Variants in GRIK2 observed in about 807,000 individuals in gnomAD.
The protein encoded by GRIK2 is glutamate receptor ionotropic, kainate 2.
A neutral mutation model predicts 100.3 loss-of-function variants in GRIK2; 32 were observed. The observed-to-expected ratio is 0.32, with a 90% CI of 0.24 to 0.43. The LOEUF (loss-of-function observed/expected upper bound fraction) is 0.43, where lower values mean the gene tolerates loss of function less well. Ranked by LOEUF, GRIK2 falls within the 20% of genes least tolerant of loss-of-function variation. GRIK2 has a pLI of 1.00. For synonymous variants in GRIK2, 417 were observed against 389.4 expected, an observed-to-expected ratio of 1.07 and a Z score of -0.83; for missense variants, 843 against 1,114.9, an observed-to-expected ratio of 0.76 and a Z score of 3.47.
chr6:101,405,194 G>A (rs1256603457), intron 2 of GRIK2, among the ~76,000 whole-genome samples: 1 of 151,988 alleles, frequency 6.6e-6, no homozygotes, highest in African/African-American at 2.4e-5. Context: ...TTGAAGATTG[G>A]GGAATTAAAA....
chr6:101,835,464 CTTTTTTTTTTTT>C (rs764148146), intron 10 of GRIK2, among the ~76,000 whole-genome samples: 8 of 89,024 alleles, frequency 9.0e-5, no homozygotes, highest in Non-Finnish European at 1.4e-4. Context: ...CTATGAGTTC[CTTTTTTTTTTTT>C]TTTTTTTTTT....
intron 2 of GRIK2, among the ~76,000 whole-genome samples, chr6:101,488,636 C>T (rs973485402): frequency 2.0e-5 from 3 of 146,540 alleles, no homozygotes; most frequent in African/African-American, 7.8e-5. Flanking sequence ...TGACTTAGGC[C>T]ACTTTTCCTC....
At chr6:101,713,426 C>T (rs1773852655) in intron 7 of GRIK2, among the ~76,000 whole-genome samples, 1 of 151,562 alleles carries the variant, frequency 6.6e-6, no homozygotes, top group Non-Finnish European at 1.5e-5. Flanking sequence ...TGTTTATGAC[C>T]TAATGTCATT....
intron 2 of GRIK2, among the ~76,000 whole-genome samples, chr6:101,580,857 T>C (rs180992204): frequency 5.8e-4 from 88 of 152,176 alleles, no homozygotes; most frequent in African/African-American, 1.6e-3. Context: ...ATTCCCCTCA[T>C]CTATGCCTAT....
chr6:101,504,038 T>C (rs570643071), intron 2 of GRIK2, among the ~76,000 whole-genome samples: 1 of 152,276 alleles, frequency 6.6e-6, no homozygotes, highest in East Asian at 1.9e-4. Flanking sequence ...TTCTAAATAC[T>C]ACATTTATTT....
rs1582521674 is a variant in GRIK2, at chr6:101,470,587, T to G, written c.115+71195T>G. Among the ~76,000 whole-genome samples the G allele has an allele frequency of 3.3e-5, 5 of 152,226 alleles. No individual in the cohort carries two copies. The South Asian group carries it at 1.0e-3, about 32-fold the overall frequency. On this transcript the variant is annotated intron_variant, in intron 2 of 16. Transcript: ENST00000369134. ...CTAGGCTGATTCTGAAAACTCTCTC[T>G]CTTCCTTCCTAGCTCTCTCCTTTTA...
chr6:101,470,622 G>A (rs1771895332), intron 2 of GRIK2, among the ~76,000 whole-genome samples: 1 of 152,054 alleles, frequency 6.6e-6, no homozygotes, highest in African/African-American at 2.4e-5. Context: ...ATATCCTGGG[G>A]ATGGGGGAAG....
At chr6:101,783,921 A>G (rs1779260739) in intron 7 of GRIK2, among the ~76,000 whole-genome samples, 1 of 152,234 alleles carries the variant, frequency 6.6e-6, no homozygotes, top group African/African-American at 2.4e-5. Context: ...GAAAGCATTC[A>G]GTTATATACA....
At chr6:101,624,719 T>G (rs1780349021) in intron 3 of GRIK2, among the ~76,000 whole-genome samples, 1 of 152,080 alleles carries the variant, frequency 6.6e-6, no homozygotes, top group African/African-American at 2.4e-5. Context: ...GGAAGACTAT[T>G]TCATTTTTCA....
chr6:101,581,790 G>C (rs982469132), intron 2 of GRIK2, among the ~76,000 whole-genome samples: 1 of 152,102 alleles, frequency 6.6e-6, no homozygotes, highest in Non-Finnish European at 1.5e-5. Flanking sequence ...TAAATAAAAT[G>C]TTAGAAGTAA....
chr6:101,453,781 G>A (rs1034760762), intron 2 of GRIK2, among the ~76,000 whole-genome samples: 1 of 151,874 alleles, frequency 6.6e-6, no homozygotes, highest in Admixed American at 6.6e-5. Context: ...TGTCTGTACC[G>A]TGATTTTGTA....
At chr6:101,980,679 T>C (rs1407744644) in intron 14 of GRIK2, among the ~76,000 whole-genome samples, 2 of 151,952 alleles carry the variant, frequency 1.3e-5, no homozygotes, top group South Asian at 2.1e-4. Context: ...ATGCCTCATT[T>C]GGATTTCTAA....
rs1209062830 is a variant in GRIK2, at chr6:101,643,124, AACTG to A, written c.541+16491_541+16494del. ...TAATTCTTTCTATATTCTGGATATT[AACTG>A]ACTATCAGATATATTATTTGCAAAT... On this transcript the variant is annotated intron_variant, in intron 4 of 16. Transcript: ENST00000369134. 3.3e-5 allele frequency among the ~76,000 whole-genome samples: 5 copies of A among 151,682 alleles called. No individual in the cohort carries two copies. The East Asian group carries it at 5.8e-4, about 18-fold the overall frequency.
At chr6:101,457,367 T>G (rs535902734) in intron 2 of GRIK2, among the ~76,000 whole-genome samples, 1 of 152,232 alleles carries the variant, frequency 6.6e-6, no homozygotes, top group Admixed American at 6.5e-5. Flanking sequence ...GTGCATTTAG[T>G]GGTGTAATTG....
chr6:101,411,542 T>A (rs1448296113), intron 2 of GRIK2, among the ~76,000 whole-genome samples: 1 of 152,106 alleles, frequency 6.6e-6, no homozygotes, highest in Non-Finnish European at 1.5e-5. Context: ...TCTCACACAC[T>A]GTGCTAGATA....
At chr6:101,823,335 G>T (rs1209556216) in intron 10 of GRIK2, among the ~76,000 whole-genome samples, 24 of 150,536 alleles carry the variant, frequency 1.6e-4, no homozygotes, top group Admixed American at 1.5e-3. Flanking sequence ...TACATAGAGA[G>T]CATTAAACAT....
intron 14 of GRIK2, among the ~76,000 whole-genome samples, chr6:101,940,648 CT>C (rs1790901613): frequency 6.6e-6 from 1 of 152,062 alleles, no homozygotes. Flanking sequence ...TAGAGAAACA[CT>C]TTAGTATTTT....
intron 2 of GRIK2, among the ~76,000 whole-genome samples, chr6:101,594,632 C>T (rs540682415): frequency 1.3e-5 from 2 of 151,670 alleles, no homozygotes; most frequent in Admixed American, 1.3e-4. Context: ...ACCAAAAAGA[C>T]CTTAATGAAG....
intron 7 of GRIK2, among the ~76,000 whole-genome samples, chr6:101,717,419 G>T (rs1294279035): frequency 6.6e-6 from 1 of 151,758 alleles, no homozygotes; most frequent in African/African-American, 2.4e-5. Context: ...ATCAAAAATG[G>T]ATATATTCAA....
Sources: gnomAD v4.1 joint callset for allele counts (sites outside exome capture counted in the v4.1 genomes callset) on GRCh38, gnomAD v4.1.1 for gene constraint, MANE v1.5 for transcripts, NCBI Gene and HGNC (gene_info 2026-07-23, HGNC 2026-07-21) for gene names.